TTC6: variants seen among roughly 807,000 people sequenced by gnomAD.
TTC6 encodes tetratricopeptide repeat protein 6.
TTC6 carries 172 observed loss-of-function variants against 210.4 expected under a neutral mutation model. The observed-to-expected ratio is 0.82, with a 90% CI of 0.72 to 0.93. The LOEUF is 0.93. Ranked by LOEUF, TTC6 falls within the 40% of genes least tolerant of loss-of-function variation. The pLI, the probability that TTC6 is intolerant of heterozygous loss-of-function variation, is 0.00. For synonymous variants in TTC6, 804 were observed against 819.6 expected, an observed-to-expected ratio of 0.98 and a Z score of 0.32; for missense variants, 2,414 against 2,318.1, an observed-to-expected ratio of 1.04 and a Z score of -0.85.
At chr14:37,760,774 A>G (rs549080394) in intron 14 of TTC6, among the ~76,000 whole-genome samples, 2 of 152,288 alleles carry the variant, frequency 1.3e-5, no homozygotes, top group East Asian at 3.9e-4. Context: ...ACTGTGGTGA[A>G]TTCCCCCCAG....
chr14:37,749,190 A>G (rs2095944710), exon 11 of TTC6: 1 of 1,533,112 alleles, frequency 6.5e-7, no homozygotes, highest in South Asian at 1.2e-5. Context: ...GACCCACCTG[A>G]AAGAGTGAAA....
chr14:37,826,155 G>A (rs1189701944), intron 27 of TTC6, 40 bp from the exon 30 acceptor site: 18 of 1,562,468 alleles, frequency 1.2e-5, no homozygotes, highest in Non-Finnish European at 1.5e-5. Context: ...GTCATGTTAT[G>A]GAGTATTTCC....
intron 1 of TTC6, among the ~76,000 whole-genome samples, chr14:37,645,687 C>G (rs1357190270): frequency 1.3e-5 from 2 of 152,196 alleles, no homozygotes; most frequent in African/African-American, 2.4e-5. Flanking sequence ...GGAGATAGTG[C>G]AAGGCTCCAA....
At chr14:37,780,169 C>T in intron 14 of TTC6, among the ~76,000 whole-genome samples, 1 of 152,074 alleles carries the variant, frequency 6.6e-6, no homozygotes, top group East Asian at 1.9e-4. Flanking sequence ...TATTTTTTAG[C>T]AGTGAATACT....
chr14:37,837,345 G>A (rs752115395), intron 29 of TTC6: 7 of 449,196 alleles, frequency 1.6e-5, no homozygotes, highest in Non-Finnish European at 2.7e-5. Flanking sequence ...GCCTGGCTTG[G>A]AGTCTTTCCC....
intron 1 of TTC6, among the ~76,000 whole-genome samples, chr14:37,601,716 A>T (rs965057924): frequency 1.3e-5 from 2 of 152,200 alleles, no homozygotes; most frequent in African/African-American, 4.8e-5. Flanking sequence ...GATTTTAAGC[A>T]GTATAATCGG....
chr14:37,779,847 T>G (rs1444502227), intron 14 of TTC6, among the ~76,000 whole-genome samples: 1 of 152,218 alleles, frequency 6.6e-6, no homozygotes, highest in Non-Finnish European at 1.5e-5. Flanking sequence ...GGGCCTCATA[T>G]GCCATTTTTA....
At chr14:37,622,550 A>G in exon 1 of TTC6, 1 of 1,534,924 alleles carries the variant, frequency 6.5e-7, no homozygotes. Flanking sequence ...TGAAGCGCAG[A>G]GCGCGCGGGG....
chr14:37,752,029 G>A (rs887532883), intron 13 of TTC6, among the ~76,000 whole-genome samples: 3 of 151,944 alleles, frequency 2.0e-5, no homozygotes, highest in African/African-American at 7.3e-5. Flanking sequence ...GTTTCACTGT[G>A]TTCGCCAGGA....
intron 1 of TTC6, among the ~76,000 whole-genome samples, chr14:37,674,958 T>C (rs1167329256): frequency 1.3e-5 from 2 of 152,118 alleles, no homozygotes; most frequent in African/African-American, 4.8e-5. Flanking sequence ...CTATCATGTA[T>C]AAATTTTACT....
At chr14:37,630,290 C>T (rs1201500793) in intron 1 of TTC6, among the ~76,000 whole-genome samples, 1 of 152,164 alleles carries the variant, frequency 6.6e-6, no homozygotes, top group East Asian at 1.9e-4. Context: ...TCTTTGTTCT[C>T]ATTAGTTTCG....
chr14:37,797,845 A>G (rs1353691651), intron 20 of TTC6, among the ~76,000 whole-genome samples: 1 of 152,064 alleles, frequency 6.6e-6, no homozygotes, highest in Non-Finnish European at 1.5e-5. Context: ...AGAGAGTGAT[A>G]AAATTTCAGT....
intron 1 of TTC6, among the ~76,000 whole-genome samples, chr14:37,670,474 C>CTTTTTTTTTT (rs66725764): frequency 3.3e-5 from 4 of 121,316 alleles, no homozygotes; most frequent in African/African-American, 6.2e-5. Context: ...AACTACCTCA[C>CTTTTTTTTTT]TTTTTTTTTT....
intron 26 of TTC6, among the ~76,000 whole-genome samples, chr14:37,820,767 C>A (rs1461430063): frequency 3.9e-5 from 6 of 152,132 alleles, no homozygotes; most frequent in African/African-American, 1.4e-4. Context: ...AACCTGTCAA[C>A]TAAATGCATT....
exon 31 of TTC6, chr14:37,842,350 A>G (rs2139067138): frequency 2.2e-6 from 3 of 1,393,494 alleles, no homozygotes; most frequent in South Asian, 1.9e-5. Context: ...AAACGGAAAC[A>G]TATTTGTTGT....
upstream of TTC6, among the ~76,000 whole-genome samples, chr14:37,620,512 C>T (rs1029665102): frequency 3.3e-5 from 5 of 152,272 alleles, no homozygotes; most frequent in Middle Eastern, 3.4e-3. Context: ...TCTTGCCCCT[C>T]CCGCCTCACA....
chr14:37,778,431 G>A (rs1357826916), intron 14 of TTC6, among the ~76,000 whole-genome samples: 1 of 148,846 alleles, frequency 6.7e-6, no homozygotes, highest in Non-Finnish European at 1.5e-5. Context: ...GTGTGTGTCT[G>A]CACCAACAAT....
At chr14:37,813,182 T>C (rs2096133602) in intron 25 of TTC6, among the ~76,000 whole-genome samples, 1 of 152,214 alleles carries the variant, frequency 6.6e-6, no homozygotes, top group Admixed American at 6.5e-5. Flanking sequence ...GATGATTATT[T>C]TTCTATTTCT....
chr14:37,677,525 A>G (rs541557235), intron 1 of TTC6, among the ~76,000 whole-genome samples: 5 of 152,082 alleles, frequency 3.3e-5, no homozygotes, highest in Non-Finnish European at 5.9e-5. Context: ...GGTTTTTATT[A>G]TTCTGACAGT....
Sources: gnomAD v4.1 joint callset for allele counts (sites outside exome capture counted in the v4.1 genomes callset) on GRCh38, gnomAD v4.1.1 for gene constraint, MANE v1.5 for transcripts, NCBI Gene and HGNC (gene_info 2026-07-23, HGNC 2026-07-21) for gene names.